CADM2: variants seen among roughly 807,000 people sequenced by gnomAD.
CADM2 encodes the protein cell adhesion molecule 2.
Under a neutral mutation model 49.8 loss-of-function variants are expected in CADM2, and 12 were observed. That is an observed-to-expected ratio of 0.24 (90% CI 0.15 to 0.39). The LOEUF (loss-of-function observed/expected upper bound fraction) is 0.39. Among genes scored for constraint, CADM2 ranks in the 10% least tolerant of loss-of-function variants. The pLI, the probability that CADM2 is intolerant of heterozygous loss-of-function variation, is 1.00. For missense variants in CADM2, 378 were observed against 492.3 expected (o/e 0.77, Z 2.20); for synonymous variants, 214 against 175.4 (o/e 1.22, Z -1.74).
intron 8 of CADM2, among the ~76,000 whole-genome samples, chr3:85,986,638 G>A (rs1039277737): frequency 6.6e-6 from 1 of 151,476 alleles, no homozygotes; most frequent in African/African-American, 2.4e-5. Context: ...CTATGTTTAG[G>A]GTACAAAAAT....
At chr3:85,391,223 G>A (rs944563331) in intron 1 of CADM2, among the ~76,000 whole-genome samples, 2 of 151,928 alleles carry the variant, frequency 1.3e-5, no homozygotes, top group Admixed American at 1.3e-4. Flanking sequence ...TTAATGCATT[G>A]ATAAAGAGTT....
chr3:85,850,193 G>A (rs190198919), intron 3 of CADM2, among the ~76,000 whole-genome samples: 91 of 151,870 alleles, frequency 6.0e-4, no homozygotes, highest in African/African-American at 2.0e-3. Context: ...TAAAAGGGCC[G>A]AAAGGATTAT....
At chr3:85,294,125 A>G (rs1167905358) in intron 1 of CADM2, among the ~76,000 whole-genome samples, 1 of 151,958 alleles carries the variant, frequency 6.6e-6, no homozygotes, top group Admixed American at 6.6e-5. Flanking sequence ...AAAAATCACA[A>G]GCATTCTTAT....
rs148806267 is a variant in CADM2, at chr3:85,398,916, G to C, written c.62-327606G>C. 9.6e-3 allele frequency among the ~76,000 whole-genome samples: 1,464 copies of C among 152,200 alleles called. 29 individuals carry two copies. Among genetic ancestry groups the C allele is most frequent in the African/African-American group, 0.034 (1,401 of 41,534 alleles). ...TCTGGATAGTAGCCCTTTGTCAGAT[G>C]AGTAGATTGCAAAAATTTTCTCCCA... On this transcript the variant is annotated intron_variant, in intron 1 of 9. Transcript: ENST00000383699.
At chr3:86,055,472 T>TTTTTG in intron 8 of CADM2, among the ~76,000 whole-genome samples, 1 of 132,774 alleles carries the variant, frequency 7.5e-6, no homozygotes, top group East Asian at 2.4e-4. Context: ...TTTTTTTTTT[T>TTTTTG]TTTTTTTGGT....
chr3:85,381,279 C>T (rs915155245), intron 1 of CADM2, among the ~76,000 whole-genome samples: 25 of 147,362 alleles, frequency 1.7e-4, no homozygotes, highest in Non-Finnish European at 2.8e-4. Flanking sequence ...CTTATGTTTT[C>T]TGCTGGTTAG....
intron 4 of CADM2, among the ~76,000 whole-genome samples, chr3:85,884,725 T>C (rs1232360792): frequency 1.3e-5 from 2 of 149,434 alleles, no homozygotes; most frequent in African/African-American, 5.0e-5. Context: ...ATATTCTTCT[T>C]CTTTTTTTTT....
In CADM2 at chr3:85,899,904, G is replaced by A. The variant is rs75168682; in HGVS notation, c.530-12469G>A. 2.0e-5 allele frequency among the ~76,000 whole-genome samples: 3 copies of A among 152,020 alleles called. No individual in the cohort carries two copies. In the East Asian group the frequency reaches 5.8e-4, roughly 29 times the overall value. On this transcript the variant is annotated intron_variant, in intron 5 of 9. Transcript: ENST00000383699. ...CTGATTAGTTCTTAAGCGAATACTG[G>A]GGGGAGCACTATGGATGTCTGGAGT...
chr3:85,695,863 A>G (rs2066537303), intron 1 of CADM2, among the ~76,000 whole-genome samples: 1 of 152,140 alleles, frequency 6.6e-6, no homozygotes, highest in Non-Finnish European at 1.5e-5. Flanking sequence ...GTACTAATTT[A>G]CAATCAACCA....
At chr3:85,293,177 G>A (rs62253074) in intron 1 of CADM2, among the ~76,000 whole-genome samples, 5,028 of 151,924 alleles carry the variant, frequency 0.033, 135 homozygotes, top group Non-Finnish European at 0.052. Flanking sequence ...CAAATAAACT[G>A]GAAAATCTAG....
chr3:85,335,668 A>G (rs2045060744), intron 1 of CADM2, among the ~76,000 whole-genome samples: 1 of 151,414 alleles, frequency 6.6e-6, no homozygotes. Context: ...AACAAAGTTT[A>G]TAGCTTCTGC....
intron 1 of CADM2, among the ~76,000 whole-genome samples, chr3:85,470,803 G>T (rs1231044120): frequency 6.6e-6 from 1 of 152,040 alleles, no homozygotes; most frequent in Non-Finnish European, 1.5e-5. Context: ...TTAAAGGAAG[G>T]TTTCTTCATT....
At chr3:85,154,642 T>A (rs1372909225) in intron 1 of CADM2, among the ~76,000 whole-genome samples, 1 of 150,914 alleles carries the variant, frequency 6.6e-6, no homozygotes, top group South Asian at 2.1e-4. Flanking sequence ...AATTGTCAGA[T>A]TCACCGAAGT....
At chr3:85,558,657 G>A (rs976208394) in intron 1 of CADM2, among the ~76,000 whole-genome samples, 2 of 151,950 alleles carry the variant, frequency 1.3e-5, no homozygotes, top group Non-Finnish European at 2.9e-5. Context: ...AATAACCTCA[G>A]TTTTTATTAC....
At chr3:85,450,213 A>T (rs2037690505) in intron 1 of CADM2, among the ~76,000 whole-genome samples, 1 of 151,662 alleles carries the variant, frequency 6.6e-6, no homozygotes, top group Non-Finnish European at 1.5e-5. Flanking sequence ...ATCCGGAGTG[A>T]TTTTTTTTTA....
intron 3 of CADM2, among the ~76,000 whole-genome samples, chr3:85,860,759 C>T (rs1396460864): frequency 2.0e-5 from 3 of 152,076 alleles, no homozygotes; most frequent in Non-Finnish European, 4.4e-5. Context: ...GTTAGGGTTT[C>T]CACATATGAA....
At chr3:85,837,500 G>A (rs1359783785) in intron 3 of CADM2, among the ~76,000 whole-genome samples, 1 of 151,590 alleles carries the variant, frequency 6.6e-6, no homozygotes, top group East Asian at 1.9e-4. Context: ...AATTGAGGTA[G>A]AGCTAAGGAA....
At chr3:85,627,352 TAA>T (rs1255579060) in intron 1 of CADM2, among the ~76,000 whole-genome samples, 1 of 152,052 alleles carries the variant, frequency 6.6e-6, no homozygotes, top group African/African-American at 2.4e-5. Context: ...GTTTTCCTTA[TAA>T]GACTCTGATT....
At chr3:85,035,453 T>C (rs2035174622) in intron 1 of CADM2, among the ~76,000 whole-genome samples, 1 of 152,216 alleles carries the variant, frequency 6.6e-6, no homozygotes, top group African/African-American at 2.4e-5. Flanking sequence ...ATTTTTGCTT[T>C]GGTTTCCTGT....
Sources: gnomAD v4.1 joint callset for allele counts (sites outside exome capture counted in the v4.1 genomes callset) on GRCh38, gnomAD v4.1.1 for gene constraint, MANE v1.5 for transcripts, NCBI Gene and HGNC (gene_info 2026-07-23, HGNC 2026-07-21) for gene names.